The following SYNPR variants were observed in gnomAD, a reference collection of about 807,000 sequenced individuals.
SYNPR encodes the protein synaptoporin.
Under a neutral mutation model 32.9 loss-of-function variants are expected in SYNPR, and 23 were observed. That is an observed-to-expected ratio of 0.70 (90% CI 0.50 to 0.99). The LOEUF (loss-of-function observed/expected upper bound fraction) is 0.99. Among genes scored for constraint, SYNPR ranks in the 50% least tolerant of loss-of-function variants. The probability of loss-of-function intolerance (pLI) is 0.00; values close to 1 mark genes in which losing one functional copy is unlikely to be tolerated. For synonymous variants in SYNPR, 146 were observed against 135.9 expected (o/e 1.07, Z -0.52); for missense variants, 318 against 349.3 (o/e 0.91, Z 0.71).
At position 63,615,101 on chromosome 3, in the gene SYNPR, G is replaced by C. The variant is rs373244942; in HGVS notation, c.601-123G>C. The C allele has an allele frequency of 7.5e-6, 9 of 1,207,284 alleles. No homozygotes were observed. The East Asian group carries it at 1.0e-4, about 14-fold the overall frequency. 74.8% of individuals were successfully genotyped at this position (1,207,284 alleles called of 1,614,324 possible). A position where few individuals can be genotyped will look rare whatever the true frequency, so the allele number is the denominator to read the frequency against. ...AATACCGGTTCCAAATGGAAAACTTGGAAGCGGACTCAACATTAAAGTGAA... is the reference window on the plus strand; with the variant it reads ...AATACCGGTTCCAAATGGAAAACTTCGAAGCGGACTCAACATTAAAGTGAA... On this transcript the variant is annotated intron_variant, in intron 5 of 5. Transcript: ENST00000478300.
intron 2 of SYNPR, among the ~76,000 whole-genome samples, chr3:63,396,098 A>T (rs1417812640): frequency 6.6e-6 from 1 of 152,170 alleles, no homozygotes; most frequent in Admixed American, 6.5e-5. Flanking sequence ...AACAGCTACG[A>T]CGTGTTATAA....
intron 1 of SYNPR, among the ~76,000 whole-genome samples, chr3:63,248,024 C>A (rs1354047474): frequency 6.6e-6 from 1 of 152,038 alleles, no homozygotes; most frequent in Non-Finnish European, 1.5e-5. Context: ...ACAGAGCTGG[C>A]CAGAGCACTG....
rs763476665 is a variant in SYNPR at position 63,304,666 on chromosome 3, A to G, written c.84+25924A>G. On this transcript the variant is annotated intron_variant, in intron 2 of 5. Coordinates refer to ENST00000478300, the MANE Select transcript of SYNPR (RefSeq NM_001130003.2). Reference sequence around the variant, plus strand: ...CTCAAATTTTCTTTCTCTTGGGACTATAAGTACCATAATATTTTTTTTAAG... The same window carrying G: ...CTCAAATTTTCTTTCTCTTGGGACTGTAAGTACCATAATATTTTTTTTAAG... Among the ~76,000 whole-genome samples the G allele has an allele frequency of 3.3e-5, 5 of 152,026 alleles. No individual in the cohort carries two copies. The South Asian group carries it at 6.2e-4, about 19-fold the overall frequency.
At chr3:63,305,853 G>T (rs754902525) in intron 2 of SYNPR, among the ~76,000 whole-genome samples, 3 of 151,928 alleles carry the variant, frequency 2.0e-5, no homozygotes, top group Admixed American at 6.6e-5. Flanking sequence ...TTATAAAATG[G>T]AAAGTCCTGA....
chr3:63,596,102 G>C (rs528286802), intron 4 of SYNPR, among the ~76,000 whole-genome samples: 1 of 149,646 alleles, frequency 6.7e-6, no homozygotes, highest in Non-Finnish European at 1.5e-5. Flanking sequence ...CCATTAACTC[G>C]TCATTTAGCA....
At position 63,266,070 on chromosome 3, in the gene SYNPR, A is replaced by T. The variant is rs752060830; in HGVS notation, n.155-1247A>T. 3.0e-4 allele frequency among the ~76,000 whole-genome samples: 45 copies of T among 152,206 alleles called. 1 individual carries two copies. Among genetic ancestry groups the T allele is most frequent in the Non-Finnish European group, 5.7e-4 (39 of 68,030 alleles). ...CACAGACTCTAGCAAACCTGGCCAA[A>T]GTTCACAGATGCTGCAAAGATCCAA... On this transcript the variant is annotated intron_variant and non_coding_transcript_variant, in intron 2 of 4. Transcript: ENST00000478456.
chr3:63,374,392 C>T (rs939381467), intron 2 of SYNPR, among the ~76,000 whole-genome samples: 3 of 152,050 alleles, frequency 2.0e-5, no homozygotes, highest in African/African-American at 4.8e-5. Flanking sequence ...ACAATGAGAA[C>T]TCATGGACAC....
intron 2 of SYNPR, among the ~76,000 whole-genome samples, chr3:63,253,234 A>T (rs1430095602): frequency 1.3e-5 from 2 of 152,082 alleles, no homozygotes; most frequent in Non-Finnish European, 2.9e-5. Flanking sequence ...TTTAGAGTCA[A>T]GTATGGTAAA....
At chr3:63,468,860 C>T (rs1242796961) in intron 2 of SYNPR, among the ~76,000 whole-genome samples, 1 of 151,970 alleles carries the variant, frequency 6.6e-6, no homozygotes, top group East Asian at 1.9e-4. Flanking sequence ...GGATGCTGTG[C>T]TTATCTTTCA....
At chr3:63,481,740 A>T (rs6445351) in intron 3 of SYNPR, among the ~76,000 whole-genome samples, 65,121 of 151,640 alleles carry the variant, frequency 0.43, 13,945 homozygotes, top group East Asian at 0.49. Context: ...GTGCAAGTGC[A>T]TGACTTCTGA....
chr3:63,455,756 GGTGTGTGTGTGTGT>G (rs370244005), intron 2 of SYNPR, among the ~76,000 whole-genome samples: 1 of 144,282 alleles, frequency 6.9e-6, no homozygotes, highest in East Asian at 2.0e-4. Flanking sequence ...TCATGTTTGG[GGTGTGTGTGTGTGT>G]GTGTGTGTGT....
chr3:63,557,412 A>G (rs1702613937), intron 4 of SYNPR, among the ~76,000 whole-genome samples: 1 of 152,006 alleles, frequency 6.6e-6, no homozygotes, highest in Admixed American at 6.6e-5. Context: ...TTAATCAACT[A>G]CTCCCATTTT....
At chr3:63,556,867 T>A (rs1251111431) in intron 4 of SYNPR, 126 bp downstream of exon 4, 4 of 945,268 alleles carry the variant, frequency 4.2e-6, no homozygotes, top group South Asian at 2.1e-5. Context: ...CATTCTTTTT[T>A]ATCCAAATCT....
chr3:63,333,749 C>G (rs1216712685), intron 2 of SYNPR, among the ~76,000 whole-genome samples: 3 of 152,126 alleles, frequency 2.0e-5, no homozygotes, highest in Non-Finnish European at 4.4e-5. Flanking sequence ...CAGGTTCTCC[C>G]TTTTTCATTC....
intron 2 of SYNPR, among the ~76,000 whole-genome samples, chr3:63,349,100 C>G (rs968369170): frequency 3.4e-5 from 5 of 148,422 alleles, no homozygotes; most frequent in Non-Finnish European, 6.0e-5. Context: ...ATAATTTTAA[C>G]AACATTAATT....
chr3:63,610,567 C>T, intron 5 of SYNPR: 1 of 684,930 alleles, frequency 1.5e-6, no homozygotes, highest in South Asian at 1.6e-5. Flanking sequence ...AGATAGTAAC[C>T]ATGAAAATAA....
Position 63,265,201 on chromosome 3 carries a change from A to G in SYNPR, n.155-2116A>G, listed in dbSNP as rs577854895. ...TAGAAATAATTTAAATGTGTTTTTA[A>G]GTATACAGTATTAGTGGCAATTTGG... is the stretch of plus-strand genomic sequence containing the variant. On this transcript the variant is annotated intron_variant and non_coding_transcript_variant, in intron 2 of 4. Coordinates refer to the SYNPR transcript ENST00000478456. 1.9e-4 allele frequency among the ~76,000 whole-genome samples: 29 copies of G among 150,300 alleles called. 1 individual carries two copies. The South Asian group carries it at 5.1e-3, about 26-fold the overall frequency.
intron 2 of SYNPR, among the ~76,000 whole-genome samples, chr3:63,353,092 C>T (rs945316822): frequency 3.3e-5 from 5 of 152,206 alleles, no homozygotes; most frequent in African/African-American, 1.2e-4. Context: ...ACACTGCAAT[C>T]TGGAGAGCAA....
intron 3 of SYNPR, among the ~76,000 whole-genome samples, chr3:63,522,700 C>T (rs1237450248): frequency 6.7e-6 from 1 of 150,116 alleles, no homozygotes; most frequent in Non-Finnish European, 1.5e-5. Context: ...GAATGGGAGG[C>T]AAGGGAGTAA....
Sources: gnomAD v4.1 joint callset for allele counts (sites outside exome capture counted in the v4.1 genomes callset) on GRCh38, gnomAD v4.1.1 for gene constraint, MANE v1.5 for transcripts, NCBI Gene and HGNC (gene_info 2026-07-23, HGNC 2026-07-21) for gene names.